Variants in PCSK5 observed in about 807,000 individuals in gnomAD.
The protein encoded by PCSK5 is prohormone convertase 5.
A neutral mutation model predicts 233.2 loss-of-function variants in PCSK5; 129 were observed. That is an observed-to-expected ratio of 0.55 (90% CI 0.48 to 0.64). The LOEUF (loss-of-function observed/expected upper bound fraction) is 0.64. Among genes scored for constraint, PCSK5 ranks in the 30% least tolerant of loss-of-function variants. The pLI is 0.00. For synonymous variants in PCSK5, 825 were observed against 879.2 expected (o/e 0.94, Z 1.09); for missense variants, 2,076 against 2,430.1 (o/e 0.85, Z 3.06).
In PCSK5 at chr9:76,335,663, C is replaced by G. The variant is rs150244482; in HGVS notation, c.4749-2567C>G. Among the ~76,000 whole-genome samples the G allele has an allele frequency of 2.9e-3, 434 of 152,250 alleles. 1 individual carries two copies. The highest frequency in any genetic ancestry group is 0.01 in the African/African-American group (420 of 41,560). On this transcript the variant is annotated intron_variant, in intron 34 of 37. Transcript: ENST00000674117. Reference sequence around the variant, plus strand: ...CTTCATTGTCTCTTTTAGCATTACTCCTTGATAATTTTAAAAACCTACTTA... The same window carrying G: ...CTTCATTGTCTCTTTTAGCATTACTGCTTGATAATTTTAAAAACCTACTTA...
chr9:76,321,557 C>G lies in PCSK5; in HGVS notation c.4020C>G (p.Pro1340=). Residue 1340 remains proline (P), a synonymous_variant, in exon 31 of 38, where the codon CCC becomes CCG. Transcript: ENST00000674117. ...LHHGVCQENC[P]ERHVAVKGVC... ...ACGGAGTGTGCCAGGAAAACTGCCC[C>G]GAGAGGCACGTGGCTGTGAAGGGGG... 6.2e-7 allele frequency: 1 copy of G among 1,612,666 alleles called. No homozygotes were observed. The highest frequency in any genetic ancestry group is 8.5e-7 in the Non-Finnish European group (1 of 1,179,700).
chr9:75,891,053 C>CGCCCGGGGCTGTGAGCTGCGGCG lies in PCSK5; in HGVS notation c.-118_-117insTGAGCTGCGGCGGCCCGGGGCTG. 3 of 741,270 alleles carry CGCCCGGGGCTGTGAGCTGCGGCG rather than the reference C, an allele frequency of 4.0e-6. No homozygotes were observed. The highest frequency in any genetic ancestry group is 5.8e-6 in the Non-Finnish European group (3 of 513,902). 45.9% of individuals were successfully genotyped at this position (741,270 alleles called of 1,614,324 possible). A position where few individuals can be genotyped will look rare whatever the true frequency, so the allele number is the denominator to read the frequency against. ...CCGGGGCTAGCCGCCTCCTGCCGAT[C>CGCCCGGGGCTGTGAGCTGCGGCG]GCCCGGGGCTGCGAGCTGCGGCGGC... On this transcript the variant is annotated 5_prime_UTR_variant, in exon 1 of 38. Coordinates refer to ENST00000674117, the MANE Select transcript of PCSK5 (RefSeq NM_001372043.1).
At chr9:75,948,882 T>C (rs6560477) in intron 2 of PCSK5, among the ~76,000 whole-genome samples, 131,542 of 151,944 alleles carry the variant, frequency 0.87, 57,028 homozygotes, top group African/African-American at 0.9. Flanking sequence ...TTTGAGAGCT[T>C]ATTGTGTACA....
At chr9:76,260,949 T>C (rs1187103579) in intron 24 of PCSK5, among the ~76,000 whole-genome samples, 1 of 152,224 alleles carries the variant, frequency 6.6e-6, no homozygotes, top group Non-Finnish European at 1.5e-5. Context: ...CATTATATTA[T>C]ATCAATAACC....
intron 24 of PCSK5, among the ~76,000 whole-genome samples, chr9:76,279,218 C>T (rs1827788947): frequency 6.6e-6 from 1 of 150,630 alleles, no homozygotes; most frequent in Non-Finnish European, 1.5e-5. Flanking sequence ...CAATTTCATC[C>T]ATGTCCCTAC....
rs79554837 is a variant in PCSK5, at chr9:76,154,090, T to A, written c.1313-2955T>A. 2.8e-3 allele frequency among the ~76,000 whole-genome samples: 434 copies of A among 152,320 alleles called. 2 individuals carry two copies. The highest frequency in any genetic ancestry group is 9.9e-3 in the African/African-American group (410 of 41,564). ...TGAGGGAGTTCCTCTGCCCAACACA[T>A]TTATTATGCAATTTCCCTTATTGAC... On this transcript the variant is annotated intron_variant, in intron 10 of 37. Transcript: ENST00000674117.
chr9:76,296,957 G>T lies in PCSK5; in HGVS notation c.3523+92G>T, dbSNP rs1028174358. On this transcript the variant is annotated intron_variant, in intron 27 of 37. Coordinates refer to ENST00000674117, the MANE Select transcript of PCSK5 (RefSeq NM_001372043.1). ...CTCTGGTTTTTTTAGTTATCCAGGAGAGAAAGGCTGTGCAGAAAAACAAGA... is the reference window on the plus strand; with the variant it reads ...CTCTGGTTTTTTTAGTTATCCAGGATAGAAAGGCTGTGCAGAAAAACAAGA... 5 of 802,420 alleles carry T rather than the reference G, an allele frequency of 6.2e-6. No individual in the cohort carries two copies. In the African/African-American group the frequency reaches 6.9e-5, roughly 11 times the overall value. 49.7% of individuals were successfully genotyped at this position (802,420 alleles called of 1,614,324 possible). A position where few individuals can be genotyped will look rare whatever the true frequency, so the allele number is the denominator to read the frequency against.
At position 75,891,066 on chromosome 9, in the gene PCSK5, G is replaced by GAGCTGCGGCGGCCCGGGGCTGCT; in HGVS notation, c.-115_-93dup. ...CCTCCTGCCGATCGCCCGGGGCTGC[G>GAGCTGCGGCGGCCCGGGGCTGCT]AGCTGCGGCGGCCCGGGGCTGCTCG... On this transcript the variant is annotated 5_prime_UTR_variant, in exon 1 of 38. Transcript: ENST00000674117. 4.1e-6 allele frequency: 4 copies of GAGCTGCGGCGGCCCGGGGCTGCT among 975,744 alleles called. No individual in the cohort carries two copies. Among genetic ancestry groups the GAGCTGCGGCGGCCCGGGGCTGCT allele is most frequent in the Non-Finnish European group, 5.5e-6 (4 of 726,778 alleles). The allele number at this position is 975,744 out of a possible 1,614,324, so 60.4% of individuals were successfully genotyped here. A position where few individuals can be genotyped will look rare whatever the true frequency, so the allele number is the denominator to read the frequency against.
intron 2 of PCSK5, among the ~76,000 whole-genome samples, chr9:75,957,822 G>A (rs1033780476): frequency 6.6e-6 from 1 of 152,182 alleles, no homozygotes; most frequent in South Asian, 2.1e-4. Context: ...AAAACTTTTG[G>A]AACAATGATG....
At chr9:76,204,005 G>A (rs528313236) in intron 20 of PCSK5, among the ~76,000 whole-genome samples, 19 of 152,066 alleles carry the variant, frequency 1.2e-4, no homozygotes, top group Non-Finnish European at 1.5e-4. Context: ...AACATTTTGA[G>A]GATTAAATGA....
At chr9:76,333,498 C>A (rs1341812725) in intron 34 of PCSK5, among the ~76,000 whole-genome samples, 4 of 152,184 alleles carry the variant, frequency 2.6e-5, no homozygotes, top group Non-Finnish European at 5.9e-5. Context: ...CGTAGACACA[C>A]GCACTTGATG....
intron 20 of PCSK5, chr9:76,193,505 A>G (rs1246851385): frequency 3.4e-6 from 2 of 593,620 alleles, no homozygotes; most frequent in African/African-American, 3.8e-5. Context: ...AAGTTTGTGC[A>G]GGGAGATGGT....
At chr9:76,184,641 A>G (rs368055085) in intron 16 of PCSK5, 32 bp from the exon 17 acceptor site, 3 of 1,436,616 alleles carry the variant, frequency 2.1e-6, no homozygotes, top group Non-Finnish European at 2.9e-6. Context: ...CAATTGACCA[A>G]CTGATTTACA....
At chr9:76,109,560 GT>G (rs61400585) in intron 9 of PCSK5, among the ~76,000 whole-genome samples, 49,212 of 136,576 alleles carry the variant, frequency 0.36, 7,540 homozygotes, top group Middle Eastern at 0.46. Context: ...GACTACAATT[GT>G]TTTTTTTTTT....
rs776823991 is a variant in PCSK5, at chr9:75,891,216, G to T, written c.35G>T (p.Arg12Leu). The change falls in exon 1 of 38, where the codon CGT (arginine) becomes CTT (leucine). Residue 12 changes from arginine (R) to leucine (L), a missense_variant. Around this residue, in one of 6 missense-constraint regions of PCSK5, gnomAD observed 190 missense variants for 216.3 expected, o/e 0.88. Transcript: ENST00000674117. ...GWGSRCCCPG[R>L]LDLLCVLALL... is the part of the protein sequence containing the mutation. ...GGGAGCCGCTGCTGCTGCCCGGGAC[G>T]TTTGGACCTGCTGTGCGTGCTGGCG... The T allele has an allele frequency of 1.3e-6, 2 of 1,503,908 alleles. No homozygotes were observed. The highest frequency in any genetic ancestry group is 1.5e-5 in the African/African-American group (1 of 67,794). The allele number at this position is 1,503,908 out of a possible 1,614,324, so 93.2% of individuals were successfully genotyped here. A position where few individuals can be genotyped will look rare whatever the true frequency, so the allele number is the denominator to read the frequency against.
chr9:76,083,103 G>A (rs1467461271), intron 7 of PCSK5, among the ~76,000 whole-genome samples: 1 of 150,454 alleles, frequency 6.6e-6, no homozygotes, highest in Non-Finnish European at 1.5e-5. Context: ...CAGCTGTTCA[G>A]GAGGCTAAGG....
intron 20 of PCSK5, chr9:76,194,599 T>G (rs914740392): frequency 2.6e-4 from 84 of 328,144 alleles, no homozygotes; most frequent in Admixed American, 1.7e-4. Context: ...ATCTGTTTTT[T>G]GGGGTTTTTT....
chr9:75,913,642 G>A (rs1214961821), intron 1 of PCSK5, among the ~76,000 whole-genome samples: 1 of 152,222 alleles, frequency 6.6e-6, no homozygotes, highest in Admixed American at 6.5e-5. Flanking sequence ...GTGTCCATTT[G>A]AAAACTTTCA....
chr9:76,091,177 T>G (rs909156238), intron 7 of PCSK5, among the ~76,000 whole-genome samples: 11 of 152,110 alleles, frequency 7.2e-5, no homozygotes, highest in Admixed American at 2.6e-4. Flanking sequence ...CAAGGGAAAT[T>G]TATTTTCTTA....
Sources: allele counts gnomAD v4.1 joint callset (sites outside exome capture counted in the v4.1 genomes callset), GRCh38; gene constraint gnomAD v4.1.1; regional missense constraint gnomAD v4.1.1; transcripts MANE v1.5; gene names NCBI Gene and HGNC (gene_info 2026-07-23, HGNC 2026-07-21).